The following SOD2 variants were observed in gnomAD, a reference collection of about 807,000 sequenced individuals.
SOD2 encodes the protein superoxide dismutase 2, also known as superoxide dismutase [Mn], mitochondrial.
SOD2 carries 11 observed loss-of-function variants against 27.0 expected under a neutral mutation model. The observed-to-expected ratio is 0.41, with a 90% CI of 0.26 to 0.67. SOD2 has a LOEUF of 0.67. Among genes scored for constraint, SOD2 ranks in the 30% least tolerant of loss-of-function variants. The pLI is 0.34. For missense variants in SOD2, 250 were observed against 274.5 expected, an observed-to-expected ratio of 0.91 and a Z score of 0.63; for synonymous variants, 105 against 103.0, an observed-to-expected ratio of 1.02 and a Z score of -0.12.
chr6:159,712,164 CCA>C (rs1161584253), intron 1 of SOD2, among the ~76,000 whole-genome samples: 24 of 102,098 alleles, frequency 2.4e-4, no homozygotes, highest in South Asian at 4.6e-4. Flanking sequence ...GCTCTGACCA[CCA>C]TAACCACCTC....
chr6:159,720,043 G>GT (rs1207800328), intron 1 of SOD2, among the ~76,000 whole-genome samples: 1 of 141,220 alleles, frequency 7.1e-6, no homozygotes, highest in Admixed American at 7.1e-5. Flanking sequence ...TTTTTTTTTG[G>GT]TGGGGGGGAC....
chr6:159,754,586 A>G (rs1213592540), intron 1 of SOD2, among the ~76,000 whole-genome samples: 1 of 152,208 alleles, frequency 6.6e-6, no homozygotes, highest in Non-Finnish European at 1.5e-5. Context: ...CTCATATAAA[A>G]TGATGTCATA....
Position 159,675,763 on chromosome 6 carries a change from T to A in SOD2, c.*6730A>T, listed in dbSNP as rs1348919868. 6.6e-6 allele frequency: 1 copy of A among 152,090 alleles called. No homozygotes were observed. The highest frequency in any genetic ancestry group is 6.5e-5 in the Admixed American group (1 of 15,268). The allele number at this position is 152,090 out of a possible 1,614,324, so 9.4% of individuals were successfully genotyped here. On this transcript the variant is annotated 3_prime_UTR_variant, in exon 5 of 5. Transcript: ENST00000538183. The stretch of plus-strand genomic sequence containing the variant: ...ATTGACAAATGGGATCTCATTAAAC[T>A]CAAGAGCTTCTGCACAGCAAAAGAA...
chr6:159,736,377 T>C, intron 1 of SOD2: 1 of 1,074,188 alleles, frequency 9.3e-7, no homozygotes, highest in South Asian at 1.4e-5. Context: ...AAAAATAGAC[T>C]TGAAGGGATT....
intron 1 of SOD2, among the ~76,000 whole-genome samples, chr6:159,717,118 T>C (rs1025030546): frequency 2.6e-5 from 4 of 152,318 alleles, no homozygotes; most frequent in African/African-American, 9.6e-5. Flanking sequence ...TTATTTTTCC[T>C]AATGAAGGGA....
intron 1 of SOD2, among the ~76,000 whole-genome samples, chr6:159,721,744 C>G (rs1313792485): frequency 8.6e-6 from 1 of 116,586 alleles, no homozygotes; most frequent in Non-Finnish European, 1.6e-5. Flanking sequence ...CCAGGTTGGT[C>G]TTGAACTCCT....
intron 1 of SOD2, among the ~76,000 whole-genome samples, chr6:159,704,331 G>A (rs376242167): frequency 1.4e-4 from 22 of 152,290 alleles, no homozygotes; most frequent in Admixed American, 3.3e-4. Context: ...GCCAGGCATC[G>A]CCTCACCTGG....
At chr6:159,699,808 C>T (rs936497824) in intron 1 of SOD2, among the ~76,000 whole-genome samples, 6 of 152,116 alleles carry the variant, frequency 3.9e-5, no homozygotes, top group Non-Finnish European at 8.8e-5. Context: ...CCAGGGGCTG[C>T]ACTCCACACT....
At chr6:159,710,188 C>T (rs549335545) in intron 1 of SOD2, among the ~76,000 whole-genome samples, 5 of 151,742 alleles carry the variant, frequency 3.3e-5, no homozygotes, top group African/African-American at 9.7e-5. Flanking sequence ...GGGTGTAGTA[C>T]ACCAACATGG....
intron 1 of SOD2, among the ~76,000 whole-genome samples, chr6:159,739,413 C>T (rs1779108632): frequency 6.6e-6 from 1 of 152,138 alleles, no homozygotes; most frequent in South Asian, 2.1e-4. Context: ...CCTTCACCAG[C>T]TCATATAACT....
chr6:159,719,096 C>A (rs985239986), intron 1 of SOD2, among the ~76,000 whole-genome samples: 1 of 151,986 alleles, frequency 6.6e-6, no homozygotes, highest in Non-Finnish European at 1.5e-5. Context: ...GAAATCTTAA[C>A]CCCTAATGTG....
At chr6:159,722,206 C>A (rs1045126537) in intron 1 of SOD2, among the ~76,000 whole-genome samples, 4 of 151,830 alleles carry the variant, frequency 2.6e-5, no homozygotes, top group African/African-American at 9.7e-5. Context: ...AGCAAGACCC[C>A]ATCTCTAAAA....
At chr6:159,741,898 C>T in intron 1 of SOD2, 1 of 473,916 alleles carries the variant, frequency 2.1e-6, no homozygotes, top group Non-Finnish European at 3.8e-6. Context: ...GAGCCCAGAC[C>T]CTGTTTGCGC....
upstream of SOD2, among the ~76,000 whole-genome samples, chr6:159,746,296 T>C (rs934556103): frequency 2.6e-5 from 4 of 152,096 alleles, no homozygotes; most frequent in Non-Finnish European, 5.9e-5. Flanking sequence ...AGGGAATAGG[T>C]TAAGCGAATG....
chr6:159,696,156 T>C (rs1415425159), upstream of SOD2, among the ~76,000 whole-genome samples: 1 of 152,100 alleles, frequency 6.6e-6, no homozygotes, highest in Admixed American at 6.6e-5. Flanking sequence ...GGGCAGTCAG[T>C]CCTGGGTTGG....
upstream of SOD2, among the ~76,000 whole-genome samples, chr6:159,695,567 G>A (rs1271913388): frequency 2.6e-5 from 4 of 152,094 alleles, no homozygotes; most frequent in Admixed American, 1.3e-4. Flanking sequence ...GCGTGATCAC[G>A]GCTGATTGCA....
chr6:159,755,151 C>T, intron 1 of SOD2: 1 of 1,614,164 alleles, frequency 6.2e-7, no homozygotes, highest in Non-Finnish European at 8.5e-7. Flanking sequence ...CAGCAGCAGT[C>T]TCAGGCCTCT....
In SOD2 at chr6:159,693,220, C is replaced by T; in HGVS notation, c.-53G>A. The stretch of plus-strand genomic sequence containing the variant: ...GCCGCCGATCTGCTGAAGCCGCTGC[C>T]GAAGCCACCACAGCCACGAGTGCCG... On this transcript the variant is annotated 5_prime_UTR_variant, in exon 1 of 5. Coordinates refer to ENST00000538183, the MANE Select transcript of SOD2 (RefSeq NM_000636.4). The T allele has an allele frequency of 6.7e-7, 1 of 1,489,426 alleles. No homozygotes were observed. Among genetic ancestry groups the T allele is most frequent in the Non-Finnish European group, 9.0e-7 (1 of 1,109,196 alleles). 92.3% of individuals were successfully genotyped at this position (1,489,426 alleles called of 1,614,324 possible). A position where few individuals can be genotyped will look rare whatever the true frequency, so the allele number is the denominator to read the frequency against.
At chr6:159,693,660 G>A (rs1777354374), upstream of SOD2, among the ~76,000 whole-genome samples, 1 of 152,220 alleles carries the variant, frequency 6.6e-6, no homozygotes, top group Middle Eastern at 3.2e-3. Context: ...GCTGCCGGGG[G>A]GCCGCGGGGT....
Sources: gnomAD v4.1 joint callset for allele counts (sites outside exome capture counted in the v4.1 genomes callset) on GRCh38, gnomAD v4.1.1 for gene constraint, MANE v1.5 for transcripts, NCBI Gene and HGNC (gene_info 2026-07-23, HGNC 2026-07-21) for gene names.